ARHGAP4: variants seen among roughly 807,000 people sequenced by gnomAD.
ARHGAP4 encodes rho GTPase-activating protein 4.
Under a neutral mutation model 67.6 loss-of-function variants are expected in ARHGAP4, and 25 were observed. That is an observed-to-expected ratio of 0.37 (90% CI 0.27 to 0.52). The LOEUF (loss-of-function observed/expected upper bound fraction) is 0.52, where lower values mean the gene tolerates loss of function less well. Ranked by LOEUF, ARHGAP4 falls within the 20% of genes least tolerant of loss-of-function variation. The probability of loss-of-function intolerance (pLI) is 0.92; values close to 1 mark genes in which losing one functional copy is unlikely to be tolerated. For missense variants in ARHGAP4, 804 were observed against 854.6 expected, an observed-to-expected ratio of 0.94 and a Z score of 0.74; for synonymous variants, 448 against 373.7, an observed-to-expected ratio of 1.20 and a Z score of -2.29.
intron 21 of ARHGAP4, 56 bp downstream of exon 21, chrX:153,909,014 G>T: frequency 8.7e-7 from 1 of 1,143,507 alleles, no homozygotes; most frequent in Non-Finnish European, 1.2e-6. Context: ...GCTTCCAAGG[G>T]GAGGCAGAGA....
chrX:153,909,610 G>C, intron 19 of ARHGAP4, 75 bp from the exon 20 acceptor site: 1 of 1,108,479 alleles, frequency 9.0e-7, no homozygotes, highest in Non-Finnish European at 1.2e-6. Flanking sequence ...CTCCGCGCCA[G>C]CCAGGAGTGG....
At chrX:153,919,315 A>G (rs1274926637) in intron 5 of ARHGAP4, 32 bp from the exon 6 acceptor site, 5 of 1,212,049 alleles carry the variant, frequency 4.1e-6, no homozygotes, top group Non-Finnish European at 5.6e-6. Flanking sequence ...TGCCAGGGTC[A>G]CGCACGTGGC....
chrX:153,913,969 T>C (rs2148521739), intron 7 of ARHGAP4, 90 bp from the exon 8 acceptor site: 1 of 858,619 alleles, frequency 1.2e-6, no homozygotes, highest in East Asian at 3.3e-5. Context: ...AGCACCCTTT[T>C]GTGGCCTGGC....
intron 7 of ARHGAP4, among the ~76,000 whole-genome samples, chrX:153,918,283 AT>A (rs1376624903): frequency 2.1e-5 from 2 of 94,237 alleles, no homozygotes; most frequent in African/African-American, 8.0e-5. Flanking sequence ...CCAATGGAAA[AT>A]GGCTGCTTGA....
At chrX:153,916,789 C>T (rs781784875) in intron 7 of ARHGAP4, among the ~76,000 whole-genome samples, 12 of 113,219 alleles carry the variant, frequency 1.1e-4, no homozygotes, top group African/African-American at 3.8e-4. Flanking sequence ...AAACAAAAAA[C>T]ATTTCAGGCC....
In ARHGAP4 at chrX:153,908,987, G is replaced by A. The variant is rs1369047951; in HGVS notation, c.2607+83C>T. ...CAGGGAGGGCAACGACTGGAACCTC[G>A]AGGAGGGAGGAGTTTGGCTTCCAAG... On this transcript the variant is annotated intron_variant, in intron 21 of 21. Coordinates refer to ENST00000350060, the MANE Select transcript of ARHGAP4 (RefSeq NM_001666.5). 4.2e-5 allele frequency: 43 copies of A among 1,020,331 alleles called. No individual in the cohort carries two copies. The African/African-American group carries it at 4.5e-4, about 11-fold the overall frequency. 84.1% of individuals were successfully genotyped at this position (1,020,331 alleles called of 1,213,427 possible). A position where few individuals can be genotyped will look rare whatever the true frequency, so the allele number is the denominator to read the frequency against.
In ARHGAP4 at chrX:153,907,944, C is replaced by A; in HGVS notation, c.2626G>T (p.Asp876Tyr). Residue 876 changes from aspartate (D) to tyrosine (Y), a missense_variant, in exon 22 of 22, where the codon GAC becomes TAC. Transcript: ENST00000350060. ...CCCAAGAGCTCCTTAAACACAGAGT[C>A]CATGTTCTGTGCCACAGCCTAGCGG... The part of the protein sequence containing the change: ...EVDKAVAQNM[D>Y]SVFKELLGKT... 1.8e-6 allele frequency: 2 copies of A among 1,123,454 alleles called. No homozygotes were observed. The highest frequency in any genetic ancestry group is 2.3e-6 in the Non-Finnish European group (2 of 853,059). The allele number at this position is 1,123,454 out of a possible 1,213,427, so 92.6% of individuals were successfully genotyped here.
At position 153,913,213 on chromosome X, in the gene ARHGAP4, C is replaced by T; in HGVS notation, c.1411+5G>A. 1 of 1,166,863 alleles carries T rather than the reference C, an allele frequency of 8.6e-7. No homozygotes were observed. Among genetic ancestry groups the T allele is most frequent in the Non-Finnish European group, 1.1e-6 (1 of 872,932 alleles). ...AGGCGGGGAAGGGGGCAGCACTGGG[C>T]CCACCTCGCTGAAGGGCCTCCTGCA... On this transcript the variant is annotated splice_donor_5th_base_variant and intron_variant, in intron 10 of 21. Coordinates refer to ENST00000350060, the MANE Select transcript of ARHGAP4 (RefSeq NM_001666.5).
chrX:153,919,569 G>C lies in ARHGAP4; in HGVS notation c.682-286C>G, dbSNP rs782347031. 9 of 1,157,412 alleles carry C rather than the reference G, an allele frequency of 7.8e-6. No homozygotes were observed. The African/African-American group carries it at 1.3e-4, about 16-fold the overall frequency. On this transcript the variant is annotated intron_variant, in intron 5 of 21. Coordinates refer to ENST00000350060, the MANE Select transcript of ARHGAP4 (RefSeq NM_001666.5). ...GACACAGAACTATTCACAGATACCT[G>C]ATGAGTGGAAGGTGCGCACATGGCA...
intron 14 of ARHGAP4, 25 bp from the exon 15 acceptor site, chrX:153,910,859 A>AG (rs1219299580): frequency 8.4e-7 from 1 of 1,186,050 alleles, no homozygotes; most frequent in Middle Eastern, 2.7e-4. Flanking sequence ...GTGGTGCGGT[A>AG]GGGGGAGGAA....
At position 153,910,273 on chromosome X, in the gene ARHGAP4, T is replaced by C. The variant is rs1371881446; in HGVS notation, c.2054A>G (p.Gln685Arg). ...ALQGRVNQLVQTLIVQPDRVF... is the reference protein window; with the variant it reads ...ALQGRVNQLVRTLIVQPDRVF... Reference sequence around the variant, plus strand: ...CCGATCGGGCTGCACTATGAGCGTCTGCACCAGCTGGTTCACCCGGCCCTG... The same window carrying C: ...CCGATCGGGCTGCACTATGAGCGTCCGCACCAGCTGGTTCACCCGGCCCTG... The change falls in exon 17 of 22, where the codon CAG (glutamine) becomes CGG (arginine). Residue 685 changes from glutamine to arginine, a missense_variant. Physicochemically the swap from Gln to Arg is conservative, Grantham distance 43 (BLOSUM62 1). Transcript: ENST00000350060. 4.1e-6 allele frequency: 5 copies of C among 1,208,963 alleles called. No homozygotes were observed. In the African/African-American group the frequency reaches 7.0e-5, roughly 17 times the overall value.
In ARHGAP4 at chrX:153,910,802, G is replaced by A; in HGVS notation, c.1714C>T (p.His572Tyr). The stretch of plus-strand genomic sequence containing the variant: ...ACCCCGGCCACCGAGTCCAGGTCAT[G>A]GGCAGTGCAGCCCTCCACCAGTGGG... ...EDPLVEGCTA[H>Y]DLDSVAGVLK... The change falls in exon 15 of 22, where the codon CAT (histidine) becomes TAT (tyrosine). Residue 572 changes from histidine to tyrosine, a missense_variant. By Grantham distance (83) the His-to-Tyr change is moderately conservative (BLOSUM62 2). This residue lies in a region of ARHGAP4 where 400 missense variants were observed against 348.7 expected (regional missense o/e 1.15). Transcript: ENST00000350060. 1 of 1,190,523 alleles carries A rather than the reference G, an allele frequency of 8.4e-7. No homozygotes were observed. Among genetic ancestry groups the A allele is most frequent in the Non-Finnish European group, 1.1e-6 (1 of 884,425 alleles).
chrX:153,916,963 C>T (rs781849811), intron 7 of ARHGAP4, among the ~76,000 whole-genome samples: 1 of 111,970 alleles, frequency 8.9e-6, no homozygotes, highest in Non-Finnish European at 1.9e-5. Flanking sequence ...CACCTGTAAT[C>T]CCAGCACTTT....
chrX:153,907,995 G>A (rs1557101685), intron 21 of ARHGAP4, 33 bp from the exon 22 acceptor site: 3 of 1,130,576 alleles, frequency 2.7e-6, no homozygotes, highest in Non-Finnish European at 3.5e-6. Context: ...AGAGTGACCA[G>A]TGAGTTCCCC....
chrX:153,910,846 C>T lies in ARHGAP4; in HGVS notation c.1682-12G>A, dbSNP rs782296281. On this transcript the variant is annotated splice_polypyrimidine_tract_variant and intron_variant, in intron 14 of 21. Transcript: ENST00000350060. ...CAGTGGGTCCTCCCCTGCAGATGGG[C>T]GAGTGGTGCGGTAGGGGGAGGAAGC... 8.4e-7 allele frequency: 1 copy of T among 1,188,637 alleles called. No individual in the cohort carries two copies. Among genetic ancestry groups the T allele is most frequent in the Admixed American group, 2.2e-5 (1 of 44,773 alleles).
chrX:153,910,746 G>T lies in ARHGAP4; in HGVS notation c.1770C>A (p.Pro590=). 8.4e-7 allele frequency: 1 copy of T among 1,193,502 alleles called. No homozygotes were observed. Among genetic ancestry groups the T allele is most frequent in the Admixed American group, 2.2e-5 (1 of 44,501 alleles). Residue 590 remains proline, a synonymous_variant, in exon 15 of 22, where the codon CCC becomes CCA. Coordinates refer to ENST00000350060, the MANE Select transcript of ARHGAP4 (RefSeq NM_001666.5). ...CGAACAGGTCTGGGGGGAAGAGTGGGGGCTCCAGGCTCCGGAAGTAGAGCT... is the reference window on the plus strand; with the variant it reads ...CGAACAGGTCTGGGGGGAAGAGTGGTGGCTCCAGGCTCCGGAAGTAGAGCT... ...VLKLYFRSLE[P]PLFPPDLFGE...
At position 153,909,650 on chromosome X, in the gene ARHGAP4, C is replaced by T. The variant is rs1195206853; in HGVS notation, c.2414+91G>A. On this transcript the variant is annotated intron_variant, in intron 19 of 21. Transcript: ENST00000350060. ...AGAGGCTCTGTTCTCTGGCCCAGCC[C>T]AGACCTTCAGAATCTAACTTGGGGT... 3.7e-6 allele frequency: 4 copies of T among 1,089,535 alleles called. No individual in the cohort carries two copies. In the Admixed American group the frequency reaches 1.2e-4, roughly 33 times the overall value. 89.8% of individuals were successfully genotyped at this position (1,089,535 alleles called of 1,213,427 possible).
chrX:153,919,460 G>A, intron 5 of ARHGAP4, 177 bp from the exon 6 acceptor site: 1 of 1,110,560 alleles, frequency 9.0e-7, no homozygotes, highest in Non-Finnish European at 1.2e-6. Flanking sequence ...TCAGCCCAGT[G>A]CCAGGAGGTG....
chrX:153,909,309 G>A (rs1163085074), intron 20 of ARHGAP4, 134 bp downstream of exon 20: 12 of 872,108 alleles, frequency 1.4e-5, no homozygotes, highest in Non-Finnish European at 1.9e-5. Context: ...GCCTCTCCCT[G>A]TCACAAGCTG....
Sources: gnomAD v4.1 joint callset for allele counts (sites outside exome capture counted in the v4.1 genomes callset) on GRCh38, gnomAD v4.1.1 for gene constraint, gnomAD v4.1.1 regional missense constraint, MANE v1.5 for transcripts, NCBI Gene and HGNC (gene_info 2026-07-23, HGNC 2026-07-21) for gene names.